NINL: variants seen among roughly 807,000 people sequenced by gnomAD.
NINL encodes the protein ninein-like protein.
In NINL, 153 loss-of-function variants were observed where a neutral mutation model predicts 160.3. That is an observed-to-expected ratio of 0.95 (90% CI 0.84 to 1.09). NINL has a LOEUF of 1.09. Ranked by LOEUF, NINL falls within the 50% of genes least tolerant of loss-of-function variation. The pLI is 0.00. For missense variants in NINL, 1,829 were observed against 1,764.0 expected, an observed-to-expected ratio of 1.04 and a Z score of -0.66; for synonymous variants, 800 against 734.8, an observed-to-expected ratio of 1.09 and a Z score of -1.43.
At chr20:25,570,856 C>T (rs909174730) in intron 1 of NINL, among the ~76,000 whole-genome samples, 1 of 151,918 alleles carries the variant, frequency 6.6e-6, no homozygotes, top group African/African-American at 2.4e-5. Context: ...GCACACGCCA[C>T]CATGCCTGGC....
chr20:25,566,082 C>T (rs149274401), intron 1 of NINL, among the ~76,000 whole-genome samples: 117 of 152,354 alleles, frequency 7.7e-4, no homozygotes, highest in South Asian at 1.2e-3. Context: ...TCGGCCTCCA[C>T]AGTCACATGA....
In NINL at chr20:25,467,559, C is replaced by T; in HGVS notation, c.3354-101G>A. ...TAAGAGCAGCATGGGGGTTTGTAGC[C>T]ACAGCAGAGACGCCCACACCTGCCC... On this transcript the variant is annotated intron_variant, in intron 18 of 23. Transcript: ENST00000278886. 7 of 885,434 alleles carry T rather than the reference C, an allele frequency of 7.9e-6. No individual in the cohort carries two copies. The South Asian group carries it at 9.4e-5, about 12-fold the overall frequency. 54.8% of individuals were successfully genotyped at this position (885,434 alleles called of 1,614,324 possible).
At chr20:25,528,487 C>G (rs1373591231) in intron 1 of NINL, among the ~76,000 whole-genome samples, 1 of 151,968 alleles carries the variant, frequency 6.6e-6, no homozygotes, top group South Asian at 2.1e-4. Context: ...GCTTCTGCAA[C>G]TTTCTGGAGG....
chr20:25,476,056 T>C lies in NINL; in HGVS notation c.3235A>G (p.Arg1079Gly). 6.2e-7 allele frequency: 1 copy of C among 1,612,964 alleles called. No individual in the cohort carries two copies. Among genetic ancestry groups the C allele is most frequent in the Non-Finnish European group, 8.5e-7 (1 of 1,179,278 alleles). ...VRALEKHVDL[R>G]ENDRLEFHRL... Reference sequence around the variant, plus strand: ...TAGAAGGCAAACCTGTCGTTCTCTCTCAAATCTACATGTTTCTCCAGAGCC... The same window carrying C: ...TAGAAGGCAAACCTGTCGTTCTCTCCCAAATCTACATGTTTCTCCAGAGCC... Residue 1079 changes from arginine (R) to glycine (G), a missense_variant, in exon 17 of 24, where the codon AGA (arginine) becomes GGA (glycine). By Grantham distance (125) the Arg-to-Gly change is moderately radical. Coordinates refer to ENST00000278886, the MANE Select transcript of NINL (RefSeq NM_025176.6).
intron 2 of NINL, among the ~76,000 whole-genome samples, chr20:25,523,250 G>C (rs114288414): frequency 6.0e-5 from 9 of 150,738 alleles, no homozygotes; most frequent in African/African-American, 2.2e-4. Flanking sequence ...ATATATATGA[G>C]AGAATATATA....
At chr20:25,506,281 G>A (rs2063961092) in intron 5 of NINL, among the ~76,000 whole-genome samples, 1 of 151,948 alleles carries the variant, frequency 6.6e-6, no homozygotes, top group South Asian at 2.1e-4. Flanking sequence ...GAGGGTGAGG[G>A]CTCTATTATT....
chr20:25,458,918 G>T, intron 21 of NINL: 1 of 189,300 alleles, frequency 5.3e-6, no homozygotes, highest in Admixed American at 5.6e-5. Flanking sequence ...GGGCTACACT[G>T]GCCACAGACT....
At chr20:25,573,039 G>C (rs894747999) in intron 1 of NINL, among the ~76,000 whole-genome samples, 1 of 152,184 alleles carries the variant, frequency 6.6e-6, no homozygotes, top group African/African-American at 2.4e-5. Flanking sequence ...GCTCACACCT[G>C]TAATCTCAGC....
intron 1 of NINL, among the ~76,000 whole-genome samples, chr20:25,562,764 T>C (rs1209929488): frequency 6.8e-6 from 1 of 146,962 alleles, no homozygotes; most frequent in African/African-American, 2.5e-5. Flanking sequence ...CACCCAAGAA[T>C]GATCAATAAA....
chr20:25,533,208 A>T (rs367657933), intron 1 of NINL, among the ~76,000 whole-genome samples: 2 of 152,168 alleles, frequency 1.3e-5, no homozygotes, highest in African/African-American at 4.8e-5. Context: ...ATGTTCACAC[A>T]CACTCCAATC....
Position 25,559,766 on chromosome 20 carries a change from ATTTT to A in NINL, c.-12+25685_-12+25688del. Among the ~76,000 whole-genome samples the A allele has an allele frequency of 1.4e-5, 2 of 146,614 alleles. 1 individual carries two copies. The highest frequency in any genetic ancestry group is 4.4e-4 in the South Asian group (2 of 4,588). On this transcript the variant is annotated intron_variant, in intron 1 of 23. Coordinates refer to ENST00000278886, the MANE Select transcript of NINL (RefSeq NM_025176.6). Reference sequence around the variant, plus strand: ...CAGGCACACACCACCACACCCGACTATTTTTTTTTTTCTCGTTTTTTGTAAAGAT... The same window carrying A: ...CAGGCACACACCACCACACCCGACTATTTTTTTCTCGTTTTTTGTAAAGAT...
intron 1 of NINL, among the ~76,000 whole-genome samples, chr20:25,565,675 C>T (rs1311031219): frequency 1.3e-5 from 2 of 152,078 alleles, no homozygotes; most frequent in South Asian, 2.1e-4. Context: ...CGTAGAAACC[C>T]GCTAGGGCAT....
intron 1 of NINL, among the ~76,000 whole-genome samples, chr20:25,553,015 CG>C (rs1291215846): frequency 1.3e-5 from 2 of 151,682 alleles, no homozygotes; most frequent in Non-Finnish European, 2.9e-5. Flanking sequence ...TGCTTCCCCA[CG>C]CAAGGGCACT....
intron 1 of NINL, chr20:25,540,090 C>T: frequency 7.9e-7 from 1 of 1,260,462 alleles, no homozygotes; most frequent in African/African-American, 1.5e-5. Context: ...CCTTGGTATT[C>T]CACATCTGCA....
chr20:25,508,868 C>T (rs146927639), intron 5 of NINL, among the ~76,000 whole-genome samples: 1 of 152,378 alleles, frequency 6.6e-6, no homozygotes, highest in East Asian at 1.9e-4. Flanking sequence ...TTGCTCCCTA[C>T]ACGTCCATCA....
At chr20:25,473,528 T>C (rs184558911) in intron 17 of NINL, among the ~76,000 whole-genome samples, 155 of 150,172 alleles carry the variant, frequency 1.0e-3, no homozygotes, top group African/African-American at 3.5e-3. Context: ...TAAAATAAAA[T>C]AAAACAAAGT....
chr20:25,500,398 G>A (rs1036387422), intron 8 of NINL, among the ~76,000 whole-genome samples: 10 of 152,212 alleles, frequency 6.6e-5, no homozygotes, highest in African/African-American at 2.2e-4. Context: ...GTAAGTGGGC[G>A]CCATGGGGGA....
chr20:25,455,530 C>T (rs2146267650), intron 23 of NINL, 143 bp downstream of exon 23: 1 of 634,234 alleles, frequency 1.6e-6, no homozygotes, highest in East Asian at 2.7e-5. Flanking sequence ...TGAATGTGCA[C>T]CTGCAGTGTA....
chr20:25,476,551 C>T lies in NINL; in HGVS notation c.2740G>A (p.Val914Met), dbSNP rs199992928. ...TCCTTTGGGACAATATCCCCATCCA[C>T]TCCACAGGGCTGCATGCGTGACCAC... ...ERWSRMQPCG[V>M]DGDIVPKEPE... The change falls in exon 17 of 24, where the codon GTG (valine) becomes ATG (methionine). Residue 914 changes from valine to methionine, a missense_variant. Transcript: ENST00000278886. 136 of 1,599,970 alleles carry T rather than the reference C, an allele frequency of 8.5e-5. No individual in the cohort carries two copies. The Admixed American group carries it at 2.0e-3, about 24-fold the overall frequency.
Sources: allele counts gnomAD v4.1 joint callset (sites outside exome capture counted in the v4.1 genomes callset), GRCh38; gene constraint gnomAD v4.1.1; transcripts MANE v1.5; gene names NCBI Gene and HGNC (gene_info 2026-07-23, HGNC 2026-07-21).